USP33: variants seen among roughly 807,000 people sequenced by gnomAD.
USP33 encodes the protein ubiquitin carboxyl-terminal hydrolase 33.
A neutral mutation model predicts 124.2 loss-of-function variants in USP33; 46 were observed. The observed-to-expected ratio is 0.37, with a 90% CI of 0.29 to 0.47. The LOEUF (loss-of-function observed/expected upper bound fraction) is 0.47. USP33 is among the 20% of genes least tolerant of loss of function. The probability of loss-of-function intolerance (pLI) is 0.99; values close to 1 mark genes in which losing one functional copy is unlikely to be tolerated. For missense variants in USP33, 851 were observed against 1,070.6 expected, an observed-to-expected ratio of 0.79 and a Z score of 2.86; for synonymous variants, 350 against 352.3, an observed-to-expected ratio of 0.99 and a Z score of 0.07.
At chr1:77,750,667 A>AGAAAGAAAGAAAGAAAGAAAG (rs1557872836) in intron 1 of USP33, among the ~76,000 whole-genome samples, 13 of 150,764 alleles carry the variant, frequency 8.6e-5, no homozygotes, top group African/African-American at 3.2e-4. Context: ...AAAGAAAGAA[A>AGAAAGAAAGAAAGAAAGAAAG]GAAAGAAAGA....
At position 77,723,695 on chromosome 1, in the gene USP33, G is replaced by A. The variant is rs186310133; in HGVS notation, c.1277-252C>T. Among the ~76,000 whole-genome samples, 33 of 151,778 alleles carry A rather than the reference G, an allele frequency of 2.2e-4. No individual in the cohort carries two copies. In the East Asian group the frequency reaches 5.4e-3, roughly 25 times the overall value. ...TTTTTTTGTTTTGAGGTGGAGTCTCGCACTGTTGCCCACACTGGAGTGCAG... is the reference window on the plus strand; with the variant it reads ...TTTTTTTGTTTTGAGGTGGAGTCTCACACTGTTGCCCACACTGGAGTGCAG... On this transcript the variant is annotated intron_variant, in intron 11 of 23. Coordinates refer to ENST00000370794, the MANE Select transcript of USP33 (RefSeq NM_201624.3).
chr1:77,728,729 A>AT lies in USP33; in HGVS notation c.718-18dup. 1 of 1,604,058 alleles carries AT rather than the reference A, an allele frequency of 6.2e-7. No individual in the cohort carries two copies. The highest frequency in any genetic ancestry group is 1.7e-5 in the Admixed American group (1 of 58,398). ...TTGAGCATCCTAATATATCAGCAACATAATGTTAACCACTTCATTACATGT... is the reference window on the plus strand; with the variant it reads ...TTGAGCATCCTAATATATCAGCAACATTAATGTTAACCACTTCATTACATGT... On this transcript the variant is annotated splice_polypyrimidine_tract_variant and intron_variant, in intron 9 of 23. Transcript: ENST00000370794.
At chr1:77,717,087 G>A (rs1356315974) in intron 17 of USP33, among the ~76,000 whole-genome samples, 1 of 151,690 alleles carries the variant, frequency 6.6e-6, no homozygotes, top group Non-Finnish European at 1.5e-5. Context: ...GACTGGTCAC[G>A]AACTCCTGAC....
rs1677094724 is a variant in USP33, at chr1:77,725,769, G to T, written c.1136-7C>A. ...TGGACATCAGTGATATATTCTGTAAGATTTAAAATTTGCATTATTACCTTA... is the reference window on the plus strand; with the variant it reads ...TGGACATCAGTGATATATTCTGTAATATTTAAAATTTGCATTATTACCTTA... On this transcript the variant is annotated splice_region_variant and splice_polypyrimidine_tract_variant and intron_variant, in intron 10 of 23. Coordinates refer to ENST00000370794, the MANE Select transcript of USP33 (RefSeq NM_201624.3). The T allele has an allele frequency of 4.4e-6, 7 of 1,600,772 alleles. No individual in the cohort carries two copies. The South Asian group carries it at 7.9e-5, about 18-fold the overall frequency.
intron 23 of USP33, 29 bp downstream of exon 23, chr1:77,697,834 G>A (rs1388469128): frequency 3.2e-6 from 5 of 1,576,690 alleles, no homozygotes; most frequent in Non-Finnish European, 4.3e-6. Flanking sequence ...TCACTCACAA[G>A]TAAAAGCTTA....
chr1:77,730,670 C>T lies in USP33; in HGVS notation c.586G>A (p.Ala196Thr), dbSNP rs1197440367. The T allele has an allele frequency of 6.3e-7, 1 of 1,598,168 alleles. No homozygotes were observed. The highest frequency in any genetic ancestry group is 8.5e-7 in the Non-Finnish European group (1 of 1,170,520). ...AGTTTGAGATAACTTTTACAAATGG[C>T]AGGTTTCTTATCTGTTCGAGCTAGT... Reference protein sequence around the residue: ...GGLARTDKKPAICKSYLKLMT... With the variant: ...GGLARTDKKPTICKSYLKLMT... Residue 196 changes from alanine (A) to threonine (T), a missense_variant, in exon 8 of 24, where the codon GCC becomes ACC. By Grantham distance (58) the Ala-to-Thr change is moderately conservative. This residue lies in a region of USP33 where 221 missense variants were observed against 302.9 expected (regional missense o/e 0.73). Coordinates refer to ENST00000370794, the MANE Select transcript of USP33 (RefSeq NM_201624.3).
intron 8 of USP33, 88 bp downstream of exon 8, chr1:77,730,530 G>T: frequency 5.1e-6 from 5 of 973,500 alleles, no homozygotes; most frequent in East Asian, 3.0e-5. Flanking sequence ...ACTTTTTTCC[G>T]GCTCCATAAA....
At chr1:77,733,983 T>G (rs1247266821) in intron 7 of USP33, among the ~76,000 whole-genome samples, 4 of 151,910 alleles carry the variant, frequency 2.6e-5, no homozygotes, top group Non-Finnish European at 5.9e-5. Flanking sequence ...AAGACTACGA[T>G]TAAAAAAAAA....
intron 16 of USP33, 74 bp downstream of exon 16, chr1:77,718,522 T>C: frequency 8.6e-7 from 1 of 1,160,796 alleles, no homozygotes. Context: ...AGAGAATTTA[T>C]TACTACATTT....
Position 77,713,222 on chromosome 1 carries a change from T to C in USP33, c.2275A>G (p.Ile759Val). 6.3e-7 allele frequency: 1 copy of C among 1,588,034 alleles called. No individual in the cohort carries two copies. The highest frequency in any genetic ancestry group is 8.5e-7 in the Non-Finnish European group (1 of 1,172,718). Residue 759 changes from isoleucine (I) to valine (V), a missense_variant, in exon 20 of 24, where the codon ATT becomes GTT. Transcript: ENST00000370794. ...AACCTGCTATATAGGTTATCCCAAA[T>C]GTTCTGAGGCAGCATCAAAACCAGG... The part of the protein sequence containing the change: ...EDLVLMLPQN[I>V]WDNLYSRYGG...
intron 13 of USP33, 23 bp from the exon 14 acceptor site, chr1:77,721,948 A>G (rs776666060): frequency 6.2e-7 from 1 of 1,602,180 alleles, no homozygotes; most frequent in Non-Finnish European, 8.5e-7. Flanking sequence ...TGATAGAAAA[A>G]AAAGGAAGTG....
intron 20 of USP33, 60 bp downstream of exon 20, chr1:77,713,140 C>A: frequency 7.4e-7 from 1 of 1,353,910 alleles, no homozygotes. Context: ...TAATCCAAAC[C>A]CCTTTTAACC....
At chr1:77,703,521 G>A (rs1245323516) in intron 21 of USP33, among the ~76,000 whole-genome samples, 1 of 152,202 alleles carries the variant, frequency 6.6e-6, no homozygotes, top group East Asian at 1.9e-4. Context: ...CTACTTGGGA[G>A]GCTGAGGCAG....
At chr1:77,744,640 T>TA (rs994522509) in intron 1 of USP33, among the ~76,000 whole-genome samples, 34 of 152,176 alleles carry the variant, frequency 2.2e-4, no homozygotes, top group Admixed American at 1.8e-3. Flanking sequence ...GCTCAGGAGT[T>TA]AGAGACCAGC....
chr1:77,736,410 CGAATTTTCT>C (rs1200884390), intron 5 of USP33, among the ~76,000 whole-genome samples: 1 of 152,000 alleles, frequency 6.6e-6, no homozygotes, highest in African/African-American at 2.4e-5. Flanking sequence ...TTTTTACAAC[CGAATTTTCT>C]GAATTAAAAC....
chr1:77,723,449 A>G lies in USP33; in HGVS notation c.1277-6T>C, dbSNP rs950988055. ...CTTTGGAGATGCAGACTGAGCTAGG[A>G]TTGAAAAACATTAAAAAAAAATCAA... On this transcript the variant is annotated splice_region_variant and splice_polypyrimidine_tract_variant and intron_variant, in intron 11 of 23. Transcript: ENST00000370794. The G allele has an allele frequency of 3.8e-6, 6 of 1,563,138 alleles. No individual in the cohort carries two copies. Among genetic ancestry groups the G allele is most frequent in the Middle Eastern group, 3.4e-4 (2 of 5,946 alleles).
At chr1:77,734,980 G>A (rs967745919) in intron 6 of USP33, among the ~76,000 whole-genome samples, 10 of 151,956 alleles carry the variant, frequency 6.6e-5, no homozygotes, top group East Asian at 5.8e-4. Context: ...AAAATTTGCC[G>A]GGCATGGTGG....
chr1:77,697,636 T>C (rs1481143753), intron 23 of USP33, 162 bp from the exon 24 acceptor site: 36 of 957,404 alleles, frequency 3.8e-5, no homozygotes, highest in Non-Finnish European at 5.3e-5. Context: ...CTGAAACATA[T>C]GGCTTGTCTT....
intron 21 of USP33, among the ~76,000 whole-genome samples, chr1:77,707,421 C>T (rs2101220563): frequency 6.6e-6 from 1 of 152,296 alleles, no homozygotes; most frequent in South Asian, 2.1e-4. Context: ...TGAAGGGTCA[C>T]TTACTGGATT....
Sources: allele counts gnomAD v4.1 joint callset (sites outside exome capture counted in the v4.1 genomes callset), GRCh38; gene constraint gnomAD v4.1.1; regional missense constraint gnomAD v4.1.1; transcripts MANE v1.5; gene names NCBI Gene and HGNC (gene_info 2026-07-23, HGNC 2026-07-21).